The following MAPKAP1 variants were observed in gnomAD, a reference collection of about 807,000 sequenced individuals.
The protein encoded by MAPKAP1 is MAPK associated protein 1.
A neutral mutation model predicts 65.7 loss-of-function variants in MAPKAP1; 20 were observed. The observed-to-expected ratio is 0.30, with a 90% CI of 0.21 to 0.44. The LOEUF (loss-of-function observed/expected upper bound fraction) is 0.44. MAPKAP1 is among the 20% of genes least tolerant of loss of function. The probability of loss-of-function intolerance (pLI) is 1.00; values close to 1 mark genes in which losing one functional copy is unlikely to be tolerated. For synonymous variants in MAPKAP1, 222 were observed against 244.3 expected, an observed-to-expected ratio of 0.91 and a Z score of 0.85; for missense variants, 423 against 648.0, an observed-to-expected ratio of 0.65 and a Z score of 3.77.
intron 5 of MAPKAP1, among the ~76,000 whole-genome samples, chr9:125,562,791 T>C (rs372970270): frequency 5.9e-5 from 9 of 152,284 alleles, no homozygotes; most frequent in African/African-American, 2.2e-4. Flanking sequence ...ATTTTACAAA[T>C]TAGATAACTG....
rs539709503 is a variant in MAPKAP1 at position 125,668,261 on chromosome 9, G to T, written c.349+1557C>A. 2.6e-5 allele frequency among the ~76,000 whole-genome samples: 4 copies of T among 152,262 alleles called. No individual in the cohort carries two copies. The South Asian group carries it at 8.3e-4, about 32-fold the overall frequency. ...ATCTCATTATCACACTTCCCTCCAT[G>T]TTGGGTAACTTTGGCAAGTTCATCA... is the stretch of plus-strand genomic sequence containing the variant. On this transcript the variant is annotated intron_variant, in intron 3 of 11. Coordinates refer to ENST00000265960, the MANE Select transcript of MAPKAP1 (RefSeq NM_001006617.3).
At chr9:125,697,658 A>G (rs1835425595) in intron 1 of MAPKAP1, among the ~76,000 whole-genome samples, 1 of 152,222 alleles carries the variant, frequency 6.6e-6, no homozygotes, top group Non-Finnish European at 1.5e-5. Context: ...TTGAACACGA[A>G]TATCTTTCGA....
chr9:125,451,336 T>C (rs773435025), intron 10 of MAPKAP1, among the ~76,000 whole-genome samples: 1 of 152,190 alleles, frequency 6.6e-6, no homozygotes. Context: ...TTTCTCACAT[T>C]TCCTTTGTGA....
intron 10 of MAPKAP1, among the ~76,000 whole-genome samples, chr9:125,462,754 C>T (rs1853546010): frequency 6.6e-6 from 1 of 152,154 alleles, no homozygotes; most frequent in African/African-American, 2.4e-5. Context: ...TTTGTATAAT[C>T]TAGGAAAACT....
At chr9:125,471,995 T>G (rs1384466547) in intron 9 of MAPKAP1, 1 of 152,210 alleles carries the variant, frequency 6.6e-6, no homozygotes, top group Non-Finnish European at 1.5e-5. Flanking sequence ...AATAACCTCA[T>G]GAAGTTGGCT....
intron 3 of MAPKAP1, among the ~76,000 whole-genome samples, chr9:125,666,586 A>G (rs1564608975): frequency 6.6e-6 from 1 of 152,232 alleles, no homozygotes; most frequent in Non-Finnish European, 1.5e-5. Context: ...TTGAATCCAG[A>G]GTTTGAGGCC....
chr9:125,605,263 T>C (rs1290055892), intron 4 of MAPKAP1, among the ~76,000 whole-genome samples: 1 of 152,226 alleles, frequency 6.6e-6, no homozygotes, highest in Non-Finnish European at 1.5e-5. Context: ...TAAATGCCTT[T>C]ATAAATATTA....
At chr9:125,640,879 C>T (rs1174089802) in intron 4 of MAPKAP1, among the ~76,000 whole-genome samples, 1 of 152,196 alleles carries the variant, frequency 6.6e-6, no homozygotes, top group Non-Finnish European at 1.5e-5. Context: ...ATTCTACTAA[C>T]ATATACAGTA....
intron 6 of MAPKAP1, among the ~76,000 whole-genome samples, chr9:125,545,287 AG>A (rs1199102050): frequency 2.0e-5 from 3 of 152,270 alleles, no homozygotes; most frequent in Non-Finnish European, 2.9e-5. Flanking sequence ...TACTTTGGCA[AG>A]AGTACTGAAA....
At chr9:125,539,225 T>C (rs1447237152) in intron 7 of MAPKAP1, among the ~76,000 whole-genome samples, 1 of 152,190 alleles carries the variant, frequency 6.6e-6, no homozygotes, top group African/African-American at 2.4e-5. Flanking sequence ...ATTAACAATA[T>C]TTTAAGAACT....
intron 4 of MAPKAP1, among the ~76,000 whole-genome samples, chr9:125,611,253 C>T (rs1175297750): frequency 6.6e-6 from 1 of 152,068 alleles, no homozygotes; most frequent in African/African-American, 2.4e-5. Flanking sequence ...CAGATTTTTA[C>T]AAGATCAAAA....
chr9:125,557,906 G>C (rs375794080), intron 6 of MAPKAP1, among the ~76,000 whole-genome samples: 1 of 152,156 alleles, frequency 6.6e-6, no homozygotes, highest in Non-Finnish European at 1.5e-5. Flanking sequence ...GCCCAGGCTG[G>C]AGTGCAATGG....
rs72767089 is a variant in MAPKAP1 at position 125,465,921 on chromosome 9, C to A, written c.1345+2051G>T. Among the ~76,000 whole-genome samples, 1,312 of 151,666 alleles carry A rather than the reference C, an allele frequency of 8.7e-3. 19 individuals are homozygous for A. Among genetic ancestry groups the A allele is most frequent in the Non-Finnish European group, 0.012 (785 of 67,582 alleles). ...GGGGGTCAGGTTCGAAAGGCATATT[C>A]CAGGCAGTGGGAACAGCACAGAATG... is the stretch of plus-strand genomic sequence containing the variant. On this transcript the variant is annotated intron_variant, in intron 10 of 11. Coordinates refer to ENST00000265960, the MANE Select transcript of MAPKAP1 (RefSeq NM_001006617.3).
intron 1 of MAPKAP1, among the ~76,000 whole-genome samples, chr9:125,693,880 T>C (rs866469457): frequency 2.4e-4 from 29 of 119,742 alleles, no homozygotes; most frequent in South Asian, 9.7e-4. Flanking sequence ...CACATATATA[T>C]ATAGTTGGCC....
chr9:125,496,415 A>G (rs1345573188), intron 8 of MAPKAP1, among the ~76,000 whole-genome samples: 1 of 152,256 alleles, frequency 6.6e-6, no homozygotes, highest in African/African-American at 2.4e-5. Context: ...TAAAACGAAC[A>G]TCACAAGTCA....
chr9:125,698,327 ATATATAT>A (rs1564622615), intron 1 of MAPKAP1, among the ~76,000 whole-genome samples: 19 of 97,362 alleles, frequency 2.0e-4, no homozygotes, highest in Non-Finnish European at 2.6e-4. Context: ...ATATATATAT[ATATATAT>A]ATAAAATATA....
intron 7 of MAPKAP1, among the ~76,000 whole-genome samples, chr9:125,520,124 T>C (rs1328133357): frequency 2.0e-5 from 3 of 152,248 alleles, no homozygotes; most frequent in Admixed American, 6.5e-5. Flanking sequence ...TTAGCCTTTC[T>C]GTGCATTACT....
intron 7 of MAPKAP1, among the ~76,000 whole-genome samples, chr9:125,509,321 T>G (rs1829234721): frequency 6.6e-6 from 1 of 152,188 alleles, no homozygotes; most frequent in Non-Finnish European, 1.5e-5. Flanking sequence ...GAAAAAAGAC[T>G]AGGAGGTTAT....
At chr9:125,671,764 C>T (rs1243471881) in intron 2 of MAPKAP1, among the ~76,000 whole-genome samples, 7 of 151,902 alleles carry the variant, frequency 4.6e-5, no homozygotes, top group Admixed American at 2.0e-4. Context: ...AAAATAAAGG[C>T]GAAGTATCAA....
Sources: allele counts gnomAD v4.1 joint callset (sites outside exome capture counted in the v4.1 genomes callset), GRCh38; gene constraint gnomAD v4.1.1; transcripts MANE v1.5; gene names NCBI Gene and HGNC (gene_info 2026-07-23, HGNC 2026-07-21).